Variants in PTPRS observed in about 807,000 individuals in gnomAD.
PTPRS encodes the protein receptor-type tyrosine-protein phosphatase S.
In PTPRS, 63 loss-of-function variants were observed where a neutral mutation model predicts 215.3. That is an observed-to-expected ratio of 0.29 (90% CI 0.24 to 0.36). The LOEUF (loss-of-function observed/expected upper bound fraction) is 0.36, where lower values mean the gene tolerates loss of function less well. Ranked by LOEUF, PTPRS falls within the 10% of genes least tolerant of loss-of-function variation. The pLI is 1.00. For missense variants in PTPRS, 2,258 were observed against 2,825.8 expected, an observed-to-expected ratio of 0.80 and a Z score of 4.56; for synonymous variants, 1,404 against 1,191.4, an observed-to-expected ratio of 1.18 and a Z score of -3.68.
In PTPRS at chr19:5,206,626, C is replaced by T. The variant is rs1030954575; in HGVS notation, c.*148G>A. ...GCCGGTGGGGGGGCTCGAGGGGCTG[C>T]GTCGTCCTCGGAAATGGTGCAGAAA... On this transcript the variant is annotated 3_prime_UTR_variant, in exon 38 of 38. Coordinates refer to ENST00000262963, the MANE Select transcript of PTPRS (RefSeq NM_002850.4). The T allele has an allele frequency of 1.5e-4, 99 of 661,690 alleles. No individual in the cohort carries two copies. Among genetic ancestry groups the T allele is most frequent in the South Asian group, 2.1e-4 (11 of 53,160 alleles). The allele number at this position is 661,690 out of a possible 1,614,324, so 41.0% of individuals were successfully genotyped here.
Position 5,239,164 on chromosome 19 carries a change from G to GA in PTPRS, c.1705-102_1705-101insT, listed in dbSNP as rs1568451445. 2,023 of 433,222 alleles carry GA rather than the reference G, an allele frequency of 4.7e-3. 17 individuals are homozygous for GA. The highest frequency in any genetic ancestry group is 0.021 in the African/African-American group (670 of 31,720). 26.8% of individuals were successfully genotyped at this position (433,222 alleles called of 1,614,324 possible). ...AGAGACAGAAACAGAGGGGGGAGGG[G>GA]GAGAGAGAGAGAGAGAGAGAGAGAC... is the stretch of plus-strand genomic sequence containing the variant. On this transcript the variant is annotated intron_variant, in intron 12 of 37. Transcript: ENST00000262963.
chr19:5,225,551 G>T (rs945579273), intron 17 of PTPRS, among the ~76,000 whole-genome samples, 176 bp downstream of exon 17: 14 of 151,714 alleles, frequency 9.2e-5, no homozygotes, highest in South Asian at 6.3e-4. Flanking sequence ...GGGCGGGGGG[G>T]GCCAAGCTGG....
In PTPRS at chr19:5,237,410, GGA is replaced by G. The variant is rs2043555177; in HGVS notation, c.1849+1507_1849+1508del. ...CCAACTCCCTGTCCTGGGCCGCCCC[GGA>G]GGTTCGCGTGGCTGGGCCGAAGCCG... On this transcript the variant is annotated intron_variant, in intron 13 of 37. Transcript: ENST00000262963. This position sits in a 1 kb window ranked among gnomAD's most constrained non-coding sequence, Gnocchi z 4.2. 6.6e-6 allele frequency among the ~76,000 whole-genome samples: 1 copy of G among 152,240 alleles called. No homozygotes were observed. The highest frequency in any genetic ancestry group is 1.5e-5 in the Non-Finnish European group (1 of 68,038).
In PTPRS at chr19:5,211,737, C is replaced by G; in HGVS notation, c.5087G>C (p.Arg1696Pro). The G allele has an allele frequency of 6.2e-7, 1 of 1,613,958 alleles. No homozygotes were observed. Among genetic ancestry groups the G allele is most frequent in the Non-Finnish European group, 8.5e-7 (1 of 1,179,948 alleles). The change falls in exon 33 of 38, where the codon CGC becomes CCC. Residue 1696 changes from arginine to proline, a missense_variant. Transcript: ENST00000262963. ...RLANSKAHTS[R>P]FISANLPCNK... Reference sequence around the variant, plus strand: ...ACAAGGCAGATTGGCACTGATGAAGCGTGACGTGTGGGCCTTGGAGTTAGC... The same window carrying G: ...ACAAGGCAGATTGGCACTGATGAAGGGTGACGTGTGGGCCTTGGAGTTAGC...
Position 5,206,258 on chromosome 19 carries a change from A to C in PTPRS, c.*516T>G, listed in dbSNP as rs1451478861. The C allele has an allele frequency of 4.5e-6, 1 of 221,826 alleles. No individual in the cohort carries two copies. The highest frequency in any genetic ancestry group is 5.9e-5 in the Admixed American group (1 of 16,848). The allele number at this position is 221,826 out of a possible 1,614,324, so 13.7% of individuals were successfully genotyped here. Reference sequence around the variant, plus strand: ...CTTTTGTTTGTTTCTCTTAAAAAAAAAAATGGAAAAAAAAATACACTATTT... The same window carrying C: ...CTTTTGTTTGTTTCTCTTAAAAAAACAAATGGAAAAAAAAATACACTATTT... On this transcript the variant is annotated 3_prime_UTR_variant, in exon 38 of 38. Transcript: ENST00000262963.
intron 4 of PTPRS, among the ~76,000 whole-genome samples, chr19:5,269,079 G>T (rs2046678766): frequency 6.6e-6 from 1 of 152,166 alleles, no homozygotes; most frequent in African/African-American, 2.4e-5. Context: ...AGCTGGGTCT[G>T]TCGGCATCCC....
At chr19:5,334,514 C>T (rs1232782325) in intron 1 of PTPRS, among the ~76,000 whole-genome samples, 1 of 152,202 alleles carries the variant, frequency 6.6e-6, no homozygotes, top group Non-Finnish European at 1.5e-5. Flanking sequence ...TGCCCCAGGT[C>T]ACACAGCCAA....
At chr19:5,329,009 G>T (rs1015105571) in intron 1 of PTPRS, among the ~76,000 whole-genome samples, 1 of 152,186 alleles carries the variant, frequency 6.6e-6, no homozygotes, top group African/African-American at 2.4e-5. Context: ...GGAGCCAGAC[G>T]GGCTGATCTG....
intron 13 of PTPRS, among the ~76,000 whole-genome samples, chr19:5,234,995 C>A (rs1202293906): frequency 1.3e-5 from 2 of 148,936 alleles, no homozygotes; most frequent in African/African-American, 5.0e-5. Flanking sequence ...GGCTGGAGTG[C>A]AGTGGCGCGA....
Position 5,220,990 on chromosome 19 carries a change from G to C in PTPRS, c.3455+10C>G. The C allele has an allele frequency of 6.3e-7, 1 of 1,598,706 alleles. No individual in the cohort carries two copies. Among genetic ancestry groups the C allele is most frequent in the East Asian group, 2.2e-5 (1 of 44,614 alleles). On this transcript the variant is annotated intron_variant, in intron 20 of 37. Transcript: ENST00000262963. Reference sequence around the variant, plus strand: ...GTGACAAGGAACCCGGAGCATGGGGGTGAGCATACTGGACAGGCACGGGGC... The same window carrying C: ...GTGACAAGGAACCCGGAGCATGGGGCTGAGCATACTGGACAGGCACGGGGC...
chr19:5,286,332 C>T lies in PTPRS; in HGVS notation c.-94-98G>A, dbSNP rs1170547946. 22 of 619,684 alleles carry T rather than the reference C, an allele frequency of 3.6e-5. No individual in the cohort carries two copies. The East Asian group carries it at 6.2e-4, about 17-fold the overall frequency. 38.4% of individuals were successfully genotyped at this position (619,684 alleles called of 1,614,324 possible). On this transcript the variant is annotated intron_variant, in intron 1 of 37. Transcript: ENST00000262963. ...AGGGTCACATGGAGCAGGGGAGGGT[C>T]CTGCGGGGGCTGGTCATGGGACAAT...
chr19:5,299,825 G>A (rs1303646640), intron 1 of PTPRS, among the ~76,000 whole-genome samples: 7 of 152,044 alleles, frequency 4.6e-5, no homozygotes, highest in Admixed American at 2.0e-4. Flanking sequence ...AGCTGAGATC[G>A]CGCCATTGCA....
chr19:5,338,807 G>A lies in PTPRS; in HGVS notation c.-95+1857C>T, dbSNP rs1441035529. ...CCAGCAGCTGCCGCTGGTATCGCAG[G>A]AGCAGAGGAGCGGGATGGCTTCCTT... On this transcript the variant is annotated intron_variant, in intron 1 of 37. Transcript: ENST00000262963. The surrounding 1 kb of genome is among the most constrained non-coding windows in gnomAD (Gnocchi z 4.2). 6.6e-6 allele frequency among the ~76,000 whole-genome samples: 1 copy of A among 152,192 alleles called. No homozygotes were observed. Among genetic ancestry groups the A allele is most frequent in the East Asian group, 1.9e-4 (1 of 5,190 alleles).
chr19:5,274,027 G>C (rs1334329878), intron 3 of PTPRS, among the ~76,000 whole-genome samples, 172 bp downstream of exon 3: 1 of 152,228 alleles, frequency 6.6e-6, no homozygotes, highest in East Asian at 1.9e-4. Flanking sequence ...GGAGCTGGTA[G>C]AGCAAGTAAG....
At position 5,237,090 on chromosome 19, in the gene PTPRS, C is replaced by T. The variant is rs529725913; in HGVS notation, c.1849+1829G>A. Among the ~76,000 whole-genome samples, 1 of 152,292 alleles carries T rather than the reference C, an allele frequency of 6.6e-6. No individual in the cohort carries two copies. The stretch of plus-strand genomic sequence containing the variant: ...ACTTTCTTACGAGAGAGGGAACGGC[C>T]GAGCGCTGAGCTACAAGGCCAGACC... On this transcript the variant is annotated intron_variant, in intron 13 of 37. Transcript: ENST00000262963. This position sits in a 1 kb window ranked among gnomAD's most constrained non-coding sequence, Gnocchi z 4.2.
In PTPRS at chr19:5,211,949, T is replaced by A. The variant is rs2040936631; in HGVS notation, c.5055+16A>T. 2.5e-6 allele frequency: 4 copies of A among 1,574,142 alleles called. No homozygotes were observed. The South Asian group carries it at 3.4e-5, about 14-fold the overall frequency. ...CCTCCCCACCCCGCCCACAGCAGCC[T>A]CCACCCCGCTGGCACCTTGAACTCG... On this transcript the variant is annotated intron_variant, in intron 32 of 37. Coordinates refer to ENST00000262963, the MANE Select transcript of PTPRS (RefSeq NM_002850.4).
chr19:5,232,893 C>T (rs2043135935), intron 13 of PTPRS, among the ~76,000 whole-genome samples: 1 of 150,362 alleles, frequency 6.7e-6, no homozygotes, highest in Admixed American at 6.6e-5. Flanking sequence ...TACGATGTGC[C>T]AGCGCCAAGG....
chr19:5,301,321 T>G (rs550233040), intron 1 of PTPRS, among the ~76,000 whole-genome samples: 5 of 150,894 alleles, frequency 3.3e-5, no homozygotes, highest in South Asian at 2.1e-4. Flanking sequence ...GTTGCTGTTT[T>G]TTTTTTTTTT....
In PTPRS at chr19:5,262,874, G is replaced by A; in HGVS notation, c.577+90C>T. 2.2e-6 allele frequency: 3 copies of A among 1,346,844 alleles called. No individual in the cohort carries two copies. The South Asian group carries it at 3.8e-5, about 17-fold the overall frequency. 83.4% of individuals were successfully genotyped at this position (1,346,844 alleles called of 1,614,324 possible). ...AGTGGGTCACAGTTACCATCACGGT[G>A]GCTGTTAGTTTGGTGAGGAGAAGGG... is the stretch of plus-strand genomic sequence containing the variant. On this transcript the variant is annotated intron_variant, in intron 6 of 37. Coordinates refer to ENST00000262963, the MANE Select transcript of PTPRS (RefSeq NM_002850.4).
Sources: gnomAD v4.1 joint callset for allele counts (sites outside exome capture counted in the v4.1 genomes callset) on GRCh38, gnomAD v4.1.1 for gene constraint, Gnocchi (gnomAD v3.1) non-coding constraint, MANE v1.5 for transcripts, NCBI Gene and HGNC (gene_info 2026-07-23, HGNC 2026-07-21) for gene names.